SPOCK1: variants seen among roughly 807,000 people sequenced by gnomAD.
SPOCK1 encodes the protein testican-1.
SPOCK1 carries 23 observed loss-of-function variants against 55.3 expected under a neutral mutation model. The ratio of observed to expected loss-of-function variants is 0.42; its 90% CI spans 0.30 to 0.59. The LOEUF is 0.59. Ranked by LOEUF, SPOCK1 falls within the 20% of genes least tolerant of loss-of-function variation. SPOCK1 has a pLI of 0.22. For synonymous variants in SPOCK1, 226 were observed against 221.0 expected (o/e 1.02, Z -0.20); for missense variants, 499 against 552.5 (o/e 0.90, Z 0.97).
At chr5:137,451,836 G>A (rs549691696) in intron 2 of SPOCK1, among the ~76,000 whole-genome samples, 4 of 152,240 alleles carry the variant, frequency 2.6e-5, no homozygotes, top group Non-Finnish European at 4.4e-5. Flanking sequence ...GTCCTGTAAC[G>A]TTTTAGCTCA....
chr5:137,367,954 G>T (rs1349558603), intron 2 of SPOCK1, among the ~76,000 whole-genome samples: 1 of 152,204 alleles, frequency 6.6e-6, no homozygotes, highest in African/African-American at 2.4e-5. Context: ...GGAAATATCA[G>T]CCCATATGCT....
chr5:137,494,937 G>C (rs917239601), intron 2 of SPOCK1, among the ~76,000 whole-genome samples: 61 of 152,204 alleles, frequency 4.0e-4, no homozygotes, highest in African/African-American at 1.2e-3. Context: ...AGCCATGGAG[G>C]AGTTAAATGC....
At chr5:137,444,025 G>A (rs948446093) in intron 2 of SPOCK1, among the ~76,000 whole-genome samples, 3 of 152,278 alleles carry the variant, frequency 2.0e-5, no homozygotes, top group East Asian at 1.9e-4. Flanking sequence ...GGCATAAAGC[G>A]TGACACAGTG....
chr5:137,272,414 T>A (rs897506179), intron 2 of SPOCK1, among the ~76,000 whole-genome samples: 3 of 152,186 alleles, frequency 2.0e-5, no homozygotes, highest in Admixed American at 6.5e-5. Flanking sequence ...TTGTGTGCAA[T>A]GGAAATCTCT....
At chr5:137,478,299 G>C (rs1456099559) in intron 2 of SPOCK1, among the ~76,000 whole-genome samples, 1 of 152,056 alleles carries the variant, frequency 6.6e-6, no homozygotes, top group African/African-American at 2.4e-5. Flanking sequence ...TAGTGAGCTG[G>C]AGTCACCCAC....
intron 2 of SPOCK1, among the ~76,000 whole-genome samples, chr5:137,466,866 A>C (rs1753633409): frequency 6.6e-6 from 1 of 152,200 alleles, no homozygotes; most frequent in Non-Finnish European, 1.5e-5. Context: ...CTGGGTCGGG[A>C]ATATGAGCAC....
At chr5:137,259,035 G>C (rs1427977412) in intron 3 of SPOCK1, among the ~76,000 whole-genome samples, 2 of 152,138 alleles carry the variant, frequency 1.3e-5, no homozygotes, top group South Asian at 2.1e-4. Context: ...AGGAAGAAAC[G>C]CTCTTTGTAG....
At chr5:137,199,025 C>A (rs1425596207) in intron 3 of SPOCK1, among the ~76,000 whole-genome samples, 1 of 152,164 alleles carries the variant, frequency 6.6e-6, no homozygotes, top group Non-Finnish European at 1.5e-5. Context: ...CAAAGACCTA[C>A]CAATGACTAT....
intron 9 of SPOCK1, among the ~76,000 whole-genome samples, chr5:136,982,442 C>T (rs565334593): frequency 2.0e-5 from 3 of 152,058 alleles, no homozygotes; most frequent in African/African-American, 7.2e-5. Flanking sequence ...GAAATGCTTA[C>T]TCTTATTTCT....
rs114389345 is a variant in SPOCK1, at chr5:137,249,563, T to A, written c.232+17447A>T. ...TTCTAGAAGGATGCAAAAAGGCTAT[T>A]AAGAATAGTTATCTATGGGAAGAAT... On this transcript the variant is annotated intron_variant, in intron 3 of 10. Transcript: ENST00000394945. Among the ~76,000 whole-genome samples, 487 of 152,322 alleles carry A rather than the reference T, an allele frequency of 3.2e-3. 2 individuals carry two copies. Among genetic ancestry groups the A allele is most frequent in the Non-Finnish European group, 5.5e-3 (373 of 68,024 alleles).
At chr5:137,040,462 G>A (rs764848249) in intron 6 of SPOCK1, among the ~76,000 whole-genome samples, 41 of 152,198 alleles carry the variant, frequency 2.7e-4, no homozygotes, top group Non-Finnish European at 4.9e-4. Context: ...AGGGAAGACA[G>A]GTGGAAAAAC....
chr5:137,226,477 T>C (rs1755949211), intron 3 of SPOCK1, among the ~76,000 whole-genome samples: 1 of 152,198 alleles, frequency 6.6e-6, no homozygotes, highest in Admixed American at 6.5e-5. Flanking sequence ...GCTGGGTTTT[T>C]AATGCCATGG....
intron 2 of SPOCK1, among the ~76,000 whole-genome samples, chr5:137,406,493 C>A (rs552563950): frequency 4.6e-5 from 7 of 152,188 alleles, no homozygotes; most frequent in Non-Finnish European, 7.3e-5. Context: ...CTATCCCGAG[C>A]ACTGGATGCC....
chr5:137,011,751 A>C (rs557441579), intron 6 of SPOCK1, among the ~76,000 whole-genome samples: 1 of 152,200 alleles, frequency 6.6e-6, no homozygotes, highest in Non-Finnish European at 1.5e-5. Flanking sequence ...GTCAAATTAG[A>C]GTACTTGGGT....
intron 3 of SPOCK1, among the ~76,000 whole-genome samples, chr5:137,188,751 T>C (rs148658801): frequency 6.6e-6 from 1 of 152,346 alleles, no homozygotes; most frequent in African/African-American, 2.4e-5. Flanking sequence ...CTATAAATGA[T>C]TAAACTTGGT....
chr5:137,418,602 T>G (rs1406722393), intron 2 of SPOCK1, among the ~76,000 whole-genome samples: 2 of 152,356 alleles, frequency 1.3e-5, no homozygotes, highest in East Asian at 1.9e-4. Flanking sequence ...ATGAATGTCT[T>G]TTTTTGAGAA....
At chr5:137,030,638 C>T (rs1166608600) in intron 6 of SPOCK1, among the ~76,000 whole-genome samples, 1 of 152,138 alleles carries the variant, frequency 6.6e-6, no homozygotes, top group Non-Finnish European at 1.5e-5. Flanking sequence ...AATGACCAGA[C>T]CATGGGAGTA....
intron 3 of SPOCK1, among the ~76,000 whole-genome samples, chr5:137,170,607 CT>C (rs1222995472): frequency 5.4e-4 from 82 of 151,470 alleles, no homozygotes; most frequent in Non-Finnish European, 8.1e-4. Context: ...CTCTCTCTCT[CT>C]CTCTCTCTCT....
At chr5:137,449,886 CAAAAAAAAAAAAAAAAAAAA>C (rs562723108) in intron 2 of SPOCK1, among the ~76,000 whole-genome samples, 1 of 52,908 alleles carries the variant, frequency 1.9e-5, no homozygotes, top group African/African-American at 7.9e-5. Context: ...GATGCTGTCT[CAAAAAAAAAAAAAAAAAAAA>C]AAAAAAAAAA....
Sources: gnomAD v4.1 joint callset for allele counts (sites outside exome capture counted in the v4.1 genomes callset) on GRCh38, gnomAD v4.1.1 for gene constraint, MANE v1.5 for transcripts, NCBI Gene and HGNC (gene_info 2026-07-23, HGNC 2026-07-21) for gene names.